Variants in FANCB observed in about 807,000 individuals in gnomAD.
FANCB encodes the protein Fanconi anemia group B protein.
FANCB carries 5 observed loss-of-function variants against 38.9 expected under a neutral mutation model. The observed-to-expected ratio is 0.13, with a 90% confidence interval of 0.07 to 0.27. The LOEUF is 0.27. Ranked by LOEUF, FANCB falls within the 10% of genes least tolerant of loss-of-function variation. The pLI is 1.00. For synonymous variants in FANCB, 236 were observed against 215.4 expected (o/e 1.10, Z -0.84); for missense variants, 573 against 602.7 (o/e 0.95, Z 0.52).
At chrX:14,845,596 T>A (rs929267945) in intron 7 of FANCB, among the ~76,000 whole-genome samples, 7 of 111,390 alleles carry the variant, frequency 6.3e-5, no homozygotes, top group African/African-American at 1.3e-4. Context: ...AAGACAAAAA[T>A]TTTTTTAAGA....
the FANCB span, among the ~76,000 whole-genome samples, chrX:14,693,359 C>A: frequency 9.0e-6 from 1 of 111,304 alleles, no homozygotes; most frequent in Non-Finnish European, 1.9e-5. Flanking sequence ...ACTTTAAGAC[C>A]AAAATTATTA....
the FANCB span, among the ~76,000 whole-genome samples, chrX:14,792,230 C>A: frequency 9.0e-6 from 1 of 111,656 alleles, no homozygotes; most frequent in East Asian, 2.8e-4. Context: ...TTTGTACTTT[C>A]CTTCCAAAAA....
At chrX:14,837,600 T>C (rs1478642962) in intron 10 of FANCB, among the ~76,000 whole-genome samples, 1 of 112,526 alleles carries the variant, frequency 8.9e-6, no homozygotes, top group South Asian at 3.6e-4. Flanking sequence ...GTGGCCCACA[T>C]TCTCCCTGAC....
chrX:14,838,437 T>C (rs890097516), downstream of FANCB, among the ~76,000 whole-genome samples: 1 of 111,769 alleles, frequency 8.9e-6, no homozygotes, highest in Non-Finnish European at 1.9e-5. Context: ...TCTTAAGATT[T>C]TGCAGACTAT....
At chrX:14,706,694 T>G in the FANCB span, among the ~76,000 whole-genome samples, 1 of 111,814 alleles carries the variant, frequency 8.9e-6, no homozygotes, top group Non-Finnish European at 1.9e-5. Flanking sequence ...CTCAGCTCTG[T>G]GTTCACATAC....
the FANCB span, among the ~76,000 whole-genome samples, chrX:14,825,400 G>C: frequency 9.0e-6 from 1 of 111,133 alleles, no homozygotes; most frequent in Non-Finnish European, 1.9e-5. Context: ...CCCTCTCTGT[G>C]TTTCTGTTTA....
chrX:14,776,507 T>G, the FANCB span, among the ~76,000 whole-genome samples: 1 of 111,778 alleles, frequency 8.9e-6, no homozygotes, highest in Non-Finnish European at 1.9e-5. Flanking sequence ...TATCAGCAAT[T>G]TGTAAATGGT....
At chrX:14,780,853 G>C in the FANCB span, among the ~76,000 whole-genome samples, 1 of 106,941 alleles carries the variant, frequency 9.4e-6, no homozygotes, top group African/African-American at 3.6e-5. Context: ...AAAAACCATT[G>C]CTAGTTCACA....
At chrX:14,862,520 C>A (rs187874826) in intron 3 of FANCB, among the ~76,000 whole-genome samples, 3 of 111,749 alleles carry the variant, frequency 2.7e-5, no homozygotes, top group Non-Finnish European at 5.6e-5. Context: ...AGGGTCCAAG[C>A]AGGGGACCCA....
chrX:14,731,797 C>G, the FANCB span: 2 of 111,880 alleles, frequency 1.8e-5, no homozygotes, highest in African/African-American at 6.5e-5. Context: ...TTCAATAAAG[C>G]TAAGTGTGCC....
chrX:14,756,210 A>G, the FANCB span, among the ~76,000 whole-genome samples: 1 of 112,083 alleles, frequency 8.9e-6, no homozygotes, highest in Non-Finnish European at 1.9e-5. Flanking sequence ...ACCTGAAATA[A>G]TAACACTAGA....
At chrX:14,692,822 G>A in the FANCB span, among the ~76,000 whole-genome samples, 1 of 111,692 alleles carries the variant, frequency 9.0e-6, no homozygotes, top group African/African-American at 3.2e-5. Flanking sequence ...CTGTACCTGG[G>A]CTCTGTGGGA....
At chrX:14,807,603 T>C in the FANCB span, among the ~76,000 whole-genome samples, 1 of 111,815 alleles carries the variant, frequency 8.9e-6, no homozygotes, top group Non-Finnish European at 1.9e-5. Flanking sequence ...GCAGGACTAT[T>C]ACTCTCCATG....
At chrX:14,692,793 T>C in the FANCB span, among the ~76,000 whole-genome samples, 2 of 112,077 alleles carry the variant, frequency 1.8e-5, no homozygotes, top group Non-Finnish European at 3.8e-5. Context: ...TTTGAAATGC[T>C]GTGTGAAGGA....
rs1252946992 is a variant in FANCB, at chrX:14,869,014, A to G, written c.-162T>C. The G allele has an allele frequency of 8.9e-6, 1 of 111,848 alleles. No homozygotes were observed. Among genetic ancestry groups the G allele is most frequent in the Non-Finnish European group, 1.9e-5 (1 of 53,073 alleles). 9.2% of individuals were successfully genotyped at this position (111,848 alleles called of 1,213,427 possible). A position where few individuals can be genotyped will look rare whatever the true frequency, so the allele number is the denominator to read the frequency against. On this transcript the variant is annotated 5_prime_UTR_variant, in exon 2 of 10. Transcript: ENST00000650831. Reference sequence around the variant, plus strand: ...CATCAGTAAAGAAGATAGGGTAGGTAAATCAAAGGTCTGGCTTGTACTTAT... The same window carrying G: ...CATCAGTAAAGAAGATAGGGTAGGTGAATCAAAGGTCTGGCTTGTACTTAT...
chrX:14,828,842 G>A, the FANCB span, among the ~76,000 whole-genome samples: 1 of 111,356 alleles, frequency 9.0e-6, no homozygotes, highest in African/African-American at 3.3e-5. Flanking sequence ...CTCTCGAGTA[G>A]CTGGGACCAC....
At chrX:14,795,101 T>C in the FANCB span, among the ~76,000 whole-genome samples, 1 of 112,130 alleles carries the variant, frequency 8.9e-6, no homozygotes, top group Non-Finnish European at 1.9e-5. Context: ...CTTTAAAGGC[T>C]GTCAAGTGGT....
chrX:14,865,048 A>T lies in FANCB; in HGVS notation c.463T>A (p.Ser155Thr). The stretch of plus-strand genomic sequence containing the variant: ...ACACTAACAACTTTGCCAGTTTGAG[A>T]AGAGATAAAGAAGAATGCTTTGACA... ...RHVKAFFFIS[S>T]QTGKVVSVSG... The change falls in exon 3 of 10, where the codon TCT becomes ACT. Residue 155 changes from serine to threonine, a missense_variant. Transcript: ENST00000650831. The T allele has an allele frequency of 8.3e-7, 1 of 1,210,441 alleles. No individual in the cohort carries two copies. Among genetic ancestry groups the T allele is most frequent in the Non-Finnish European group, 1.1e-6 (1 of 894,789 alleles).
chrX:14,696,030 G>C, the FANCB span, among the ~76,000 whole-genome samples: 1 of 110,274 alleles, frequency 9.1e-6, no homozygotes, highest in Admixed American at 9.8e-5. Context: ...TGAGATAACA[G>C]GTACTTCGGT....
Sources: gnomAD v4.1 joint callset for allele counts (sites outside exome capture counted in the v4.1 genomes callset) on GRCh38, gnomAD v4.1.1 for gene constraint, MANE v1.5 for transcripts, NCBI Gene and HGNC (gene_info 2026-07-23, HGNC 2026-07-21) for gene names.